Variants in HSH2D observed in about 807,000 individuals in gnomAD.
HSH2D encodes hematopoietic SH2 domain-containing protein.
A neutral mutation model predicts 21.5 loss-of-function variants in HSH2D; 16 were observed. The observed-to-expected ratio is 0.74, with a 90% CI of 0.50 to 1.13. The LOEUF (loss-of-function observed/expected upper bound fraction) is 1.13. Among genes scored for constraint, HSH2D ranks in the 50% most tolerant of loss-of-function variants. The probability of loss-of-function intolerance (pLI) is 0.00; values close to 1 mark genes in which losing one functional copy is unlikely to be tolerated. For synonymous variants in HSH2D, 172 were observed against 184.7 expected (o/e 0.93, Z 0.56); for missense variants, 418 against 441.4 (o/e 0.95, Z 0.47).
chr19:16,138,696 T>G (rs2090980247), upstream of HSH2D, among the ~76,000 whole-genome samples: 1 of 151,914 alleles, frequency 6.6e-6, no homozygotes, highest in Non-Finnish European at 1.5e-5. Context: ...GACTTCATGA[T>G]CTGCCTGCCT....
chr19:16,142,005 G>C (rs2091003362), upstream of HSH2D: 1 of 152,174 alleles, frequency 6.6e-6, no homozygotes, highest in South Asian at 2.1e-4. Context: ...AGGATCACTT[G>C]AGTCCAGCAG....
intron 1 of HSH2D, among the ~76,000 whole-genome samples, chr19:16,147,011 A>C (rs992800883): frequency 2.6e-4 from 40 of 151,930 alleles, no homozygotes; most frequent in African/African-American, 7.7e-4. Context: ...TTTTTAGTAG[A>C]GATGGGGTTT....
At chr19:16,148,904 G>C (rs2091109630) in intron 2 of HSH2D, 29 bp downstream of exon 2, 3 of 1,584,358 alleles carry the variant, frequency 1.9e-6, no homozygotes, top group Non-Finnish European at 2.6e-6. Context: ...CCTCCACCCT[G>C]CCCTCCCCAC....
At chr19:16,153,016 G>A in intron 3 of HSH2D, 27 bp from the exon 4 acceptor site, 1 of 1,600,348 alleles carries the variant, frequency 6.2e-7, no homozygotes, top group Non-Finnish European at 8.5e-7. Flanking sequence ...GGAGTAGGAT[G>A]TCCCAGCCCC....
rs1307193510 is a variant in HSH2D at position 16,158,262 on chromosome 19, G to A, written c.*468G>A. 1 of 155,218 alleles carries A rather than the reference G, an allele frequency of 6.4e-6. No homozygotes were observed. The highest frequency in any genetic ancestry group is 6.4e-5 in the Admixed American group (1 of 15,636). The allele number at this position is 155,218 out of a possible 1,614,324, so 9.6% of individuals were successfully genotyped here. A position where few individuals can be genotyped will look rare whatever the true frequency, so the allele number is the denominator to read the frequency against. ...AAAAGCACACTGCAAGCCGGGCTCA[G>A]TGGCTCATGCCTGTAGTCCCAGCAC... is the stretch of plus-strand genomic sequence containing the variant. On this transcript the variant is annotated 3_prime_UTR_variant, in exon 6 of 6. Transcript: ENST00000613986.
intron 3 of HSH2D, 123 bp from the exon 4 acceptor site, chr19:16,152,920 G>A (rs1441309178): frequency 7.6e-6 from 9 of 1,179,790 alleles, no homozygotes; most frequent in Non-Finnish European, 1.1e-5. Flanking sequence ...AGTGAGTGAA[G>A]AAGCCTGCAT....
At position 16,157,493 on chromosome 19, in the gene HSH2D, A is replaced by T. The variant is rs996724548; in HGVS notation, c.758A>T (p.Asp253Val). Residue 253 changes from aspartate (D) to valine (V), a missense_variant, in exon 6 of 6, where the codon GAT (aspartate) becomes GTT (valine). Physicochemically the swap from Asp to Val is radical, Grantham distance 152. Transcript: ENST00000613986. This position sits in a 1 kb window ranked among gnomAD's most constrained non-coding sequence, Gnocchi z 4.4. ...SGPGTGKGSQ[D>V]HSGDPTSGDR... ...CCTGGGACCGGAAAAGGCAGCCAAG[A>T]TCACTCAGGGGATCCCACCTCGGGG... 4.8e-5 allele frequency: 78 copies of T among 1,613,816 alleles called. No homozygotes were observed. The highest frequency in any genetic ancestry group is 6.4e-5 in the Non-Finnish European group (76 of 1,179,880).
chr19:16,136,128 T>C (rs1420301009), intron 1 of HSH2D, among the ~76,000 whole-genome samples: 1 of 152,156 alleles, frequency 6.6e-6, no homozygotes, highest in Admixed American at 6.5e-5. Context: ...TCAAAATCTC[T>C]GTCATCTCTA....
intron 4 of HSH2D, among the ~76,000 whole-genome samples, chr19:16,153,792 G>A (rs1025893512): frequency 2.7e-5 from 4 of 150,904 alleles, no homozygotes; most frequent in African/African-American, 9.8e-5. Context: ...GCGTGGCCTA[G>A]CCCCTAAGAA....
At chr19:16,154,767 G>A (rs997396603) in intron 5 of HSH2D, 23 of 298,698 alleles carry the variant, frequency 7.7e-5, no homozygotes, top group Admixed American at 2.9e-4. Flanking sequence ...TGCGTGTGCC[G>A]GCCCCACCTC....
chr19:16,157,548 C>T lies in HSH2D; in HGVS notation c.813C>T (p.Ala271=). Residue 271 remains alanine (A), a synonymous_variant, in exon 6 of 6, where the codon GCC becomes GCT. Coordinates refer to ENST00000613986, the MANE Select transcript of HSH2D (RefSeq NM_001382417.1). This position sits in a 1 kb window ranked among gnomAD's most constrained non-coding sequence, Gnocchi z 4.4. Reference sequence around the variant, plus strand: ...GAGGCTACACGGATCCCTGTGTGGCCACATCTCTCAAAAGCCCCTCACAGC... The same window carrying T: ...GAGGCTACACGGATCCCTGTGTGGCTACATCTCTCAAAAGCCCCTCACAGC... The part of the protein sequence containing the change: ...GDRGYTDPCV[A]TSLKSPSQPQ... The T allele has an allele frequency of 1.9e-6, 3 of 1,613,824 alleles. No homozygotes were observed. The highest frequency in any genetic ancestry group is 2.2e-5 in the East Asian group (1 of 44,880).
chr19:16,147,668 C>T (rs553420720), intron 1 of HSH2D, among the ~76,000 whole-genome samples: 48 of 143,040 alleles, frequency 3.4e-4, no homozygotes, highest in Non-Finnish European at 5.2e-4. Flanking sequence ...TGTTTTGAGA[C>T]GGAGTCTCAC....
chr19:16,156,015 T>C (rs1426535342), intron 5 of HSH2D, among the ~76,000 whole-genome samples: 1 of 151,704 alleles, frequency 6.6e-6, no homozygotes, highest in Non-Finnish European at 1.5e-5. Flanking sequence ...TGGAGGACAG[T>C]GTCAAGGTGG....
rs1187948829 is a variant in HSH2D at position 16,157,698 on chromosome 19, G to A, written c.963G>A (p.Glu321=). 6.2e-7 allele frequency: 1 copy of A among 1,613,270 alleles called. No homozygotes were observed. Among genetic ancestry groups the A allele is most frequent in the Non-Finnish European group, 8.5e-7 (1 of 1,179,692 alleles). The change falls in exon 6 of 6, where the codon GAG becomes GAA. Residue 321 remains glutamate (E), a synonymous_variant. Coordinates refer to ENST00000613986, the MANE Select transcript of HSH2D (RefSeq NM_001382417.1). This position sits in a 1 kb window ranked among gnomAD's most constrained non-coding sequence, Gnocchi z 4.4. ...TAGTGAGAGCCCTATCCTCCCAGGA[G>A]TCCAAGCCAGAGCACCAGGGCTTGG... ...QMVVRALSSQ[E]SKPEHQGLAE... is the part of the protein sequence containing the mutation.
chr19:16,145,210 T>A (rs1266843989), intron 1 of HSH2D, among the ~76,000 whole-genome samples: 1 of 151,748 alleles, frequency 6.6e-6, no homozygotes, highest in Non-Finnish European at 1.5e-5. Context: ...TTTGTATTTT[T>A]ATTTCATATT....
chr19:16,144,429 C>T (rs2161575), intron 1 of HSH2D, among the ~76,000 whole-genome samples: 12,781 of 151,700 alleles, frequency 0.084, 633 homozygotes, highest in African/African-American at 0.14. Context: ...TAAATAGGAG[C>T]TCTTCCAAGT....
intron 3 of HSH2D, 161 bp downstream of exon 3, chr19:16,152,802 T>C: frequency 2.6e-6 from 2 of 759,396 alleles, no homozygotes; most frequent in South Asian, 2.9e-5. Context: ...GTGAAGCTTT[T>C]GTCCGTAGTG....
In HSH2D at chr19:16,154,423, G is replaced by T. The variant is rs368588071; in HGVS notation, c.406G>T (p.Glu136Ter). The T allele has an allele frequency of 6.4e-7, 1 of 1,551,576 alleles. No homozygotes were observed. Among genetic ancestry groups the T allele is most frequent in the Non-Finnish European group, 8.7e-7 (1 of 1,147,118 alleles). Residue 136 changes from glutamate (E) to a stop codon, truncating the protein, a stop_gained, in exon 5 of 6, where the codon GAG (glutamate) becomes TAG (stop). Transcript: ENST00000613986. LOFTEE classifies it high-confidence loss of function. ...RQKDPANVDY[E>*]DLFLYSNAVA... The stretch of plus-strand genomic sequence containing the variant: ...GAAGGATCCCGCAAACGTGGATTAC[G>T]AGGATCTCTTCCTCTACTCCAACGC...
At chr19:16,140,195 T>C (rs2090990749), upstream of HSH2D, among the ~76,000 whole-genome samples, 1 of 152,038 alleles carries the variant, frequency 6.6e-6, no homozygotes. Flanking sequence ...GCCAGCACTT[T>C]GGGAAGTCCA....
Sources: allele counts gnomAD v4.1 joint callset (sites outside exome capture counted in the v4.1 genomes callset), GRCh38; gene constraint gnomAD v4.1.1; non-coding constraint Gnocchi (gnomAD v3.1); transcripts MANE v1.5; gene names NCBI Gene and HGNC (gene_info 2026-07-23, HGNC 2026-07-21).